The following TMEM132B variants were observed in gnomAD, a reference collection of about 807,000 sequenced individuals.
TMEM132B encodes the protein transmembrane protein 132B.
In TMEM132B, 18 loss-of-function variants were observed where a neutral mutation model predicts 90.8. The ratio of observed to expected loss-of-function variants is 0.20; its 90% CI spans 0.14 to 0.29. TMEM132B has a LOEUF of 0.29. Among genes scored for constraint, TMEM132B ranks in the 10% least tolerant of loss-of-function variants. The pLI is 1.00. For synonymous variants in TMEM132B, 504 were observed against 523.3 expected (o/e 0.96, Z 0.50); for missense variants, 1,096 against 1,326.8 (o/e 0.83, Z 2.70).
chr12:125,555,966 C>A (rs778383486), intron 4 of TMEM132B, among the ~76,000 whole-genome samples: 4 of 152,220 alleles, frequency 2.6e-5, no homozygotes, highest in Non-Finnish European at 5.9e-5. Context: ...AAAATAACAG[C>A]AACCTGCTGT....
At chr12:125,422,932 G>C (rs1396630783) in intron 3 of TMEM132B, among the ~76,000 whole-genome samples, 4 of 152,190 alleles carry the variant, frequency 2.6e-5, no homozygotes, top group Non-Finnish European at 5.9e-5. Flanking sequence ...ATTTATAACA[G>C]CAGCCCCAGG....
Position 125,458,210 on chromosome 12 carries a change from A to G in TMEM132B, c.1106+42533A>G, listed in dbSNP as rs530490189. On this transcript the variant is annotated intron_variant, in intron 3 of 8. Coordinates refer to ENST00000682704, the MANE Select transcript of TMEM132B (RefSeq NM_001366854.1). The surrounding 1 kb of genome is among the most constrained non-coding windows in gnomAD (Gnocchi z 4.9). ...AGTGGCGTCCCTGAGGCCAAAAACA[A>G]GGGCCTTGGACAAGGCCCTTGTCCA... 6.6e-6 allele frequency among the ~76,000 whole-genome samples: 1 copy of G among 151,858 alleles called. No homozygotes were observed. Among genetic ancestry groups the G allele is most frequent in the Admixed American group, 6.6e-5 (1 of 15,256 alleles).
intron 1 of TMEM132B, among the ~76,000 whole-genome samples, chr12:125,263,478 C>T (rs1055927323): frequency 6.6e-6 from 1 of 152,136 alleles, no homozygotes; most frequent in East Asian, 1.9e-4. Flanking sequence ...TGGCACTTGG[C>T]GAGGACGTTG....
At chr12:125,645,270 G>T (rs948427017) in intron 6 of TMEM132B, among the ~76,000 whole-genome samples, 2 of 149,816 alleles carry the variant, frequency 1.3e-5, no homozygotes, top group Admixed American at 6.7e-5. Context: ...CCCATCTCCT[G>T]CTTCTTCAAA....
At chr12:125,558,330 G>A (rs1338960735) in intron 4 of TMEM132B, among the ~76,000 whole-genome samples, 1 of 152,108 alleles carries the variant, frequency 6.6e-6, no homozygotes, top group African/African-American at 2.4e-5. Flanking sequence ...GAACTTACAG[G>A]TTTCTTAGGT....
At chr12:125,201,112 C>A (rs1873047926) in intron 1 of TMEM132B, among the ~76,000 whole-genome samples, 1 of 152,144 alleles carries the variant, frequency 6.6e-6, no homozygotes, top group African/African-American at 2.4e-5. Flanking sequence ...CCCCCATGCC[C>A]AGCCCAGTTA....
At chr12:125,235,655 GCT>G (rs1394305785) in intron 1 of TMEM132B, among the ~76,000 whole-genome samples, 1 of 151,938 alleles carries the variant, frequency 6.6e-6, no homozygotes, top group Non-Finnish European at 1.5e-5. Context: ...TCACTGATCC[GCT>G]CTCTGTCTTT....
intron 4 of TMEM132B, among the ~76,000 whole-genome samples, chr12:125,541,885 C>T (rs937965926): frequency 1.3e-5 from 2 of 151,772 alleles, no homozygotes; most frequent in South Asian, 2.1e-4. Context: ...ATTAGCCGGG[C>T]GTGGTGGCGG....
At chr12:125,616,935 C>T (rs1886002288) in intron 5 of TMEM132B, among the ~76,000 whole-genome samples, 1 of 152,196 alleles carries the variant, frequency 6.6e-6, no homozygotes, top group South Asian at 2.1e-4. Context: ...GAGAAAGCTG[C>T]TGTCTACAAG....
chr12:125,396,259 C>T (rs1879166460), intron 2 of TMEM132B, among the ~76,000 whole-genome samples: 3 of 152,300 alleles, frequency 2.0e-5, no homozygotes, highest in South Asian at 4.1e-4. Context: ...ATGATTCTCA[C>T]AGTAGTTTTT....
chr12:125,608,900 C>T (rs1885760414), intron 5 of TMEM132B, among the ~76,000 whole-genome samples: 1 of 152,056 alleles, frequency 6.6e-6, no homozygotes, highest in Admixed American at 6.5e-5. Flanking sequence ...TCTCATGCTG[C>T]TATGAAGAAA....
chr12:125,376,131 G>A (rs895847250), intron 2 of TMEM132B, among the ~76,000 whole-genome samples: 7 of 152,220 alleles, frequency 4.6e-5, no homozygotes, highest in African/African-American at 1.4e-4. Context: ...CTCCTTGTCT[G>A]ATGGCTTGTT....
intron 2 of TMEM132B, among the ~76,000 whole-genome samples, chr12:125,352,392 TG>T (rs1231608391): frequency 6.6e-6 from 1 of 152,242 alleles, no homozygotes; most frequent in Non-Finnish European, 1.5e-5. Context: ...TTCTATGTGC[TG>T]GGGGGACAAG....
chr12:125,194,806 AGGCAT>A (rs1872889921), intron 1 of TMEM132B, among the ~76,000 whole-genome samples: 1 of 151,786 alleles, frequency 6.6e-6, no homozygotes, highest in Non-Finnish European at 1.5e-5. Context: ...GGGAAGGGGG[AGGCAT>A]GGTGTAGATG....
chr12:125,337,496 T>C (rs1877007652), intron 1 of TMEM132B, among the ~76,000 whole-genome samples: 2 of 152,154 alleles, frequency 1.3e-5, no homozygotes, highest in South Asian at 2.1e-4. Context: ...TTTAATGTGA[T>C]ATGTGACACT....
intron 1 of TMEM132B, among the ~76,000 whole-genome samples, chr12:125,201,638 C>G (rs1197841772): frequency 6.6e-6 from 1 of 152,236 alleles, no homozygotes; most frequent in Admixed American, 6.5e-5. Flanking sequence ...CCACCACTGG[C>G]TAGCTCTGTG....
intron 3 of TMEM132B, among the ~76,000 whole-genome samples, chr12:125,508,301 G>T (rs1357279995): frequency 6.6e-6 from 1 of 152,072 alleles, no homozygotes; most frequent in African/African-American, 2.4e-5. Context: ...GTTCATCTTG[G>T]GCCTGATCTT....
intron 1 of TMEM132B, among the ~76,000 whole-genome samples, chr12:125,269,852 G>A (rs1262285823): frequency 6.6e-6 from 1 of 152,096 alleles, no homozygotes; most frequent in South Asian, 2.1e-4. Context: ...GTTCCTTCCA[G>A]CTCACCATCA....
intron 3 of TMEM132B, among the ~76,000 whole-genome samples, chr12:125,517,327 ATTTTTTTTTTTTTTTTTT>A (rs56147854): frequency 7.4e-4 from 21 of 28,486 alleles, no homozygotes; most frequent in African/African-American, 1.7e-3. Context: ...TGCCCTGCTG[ATTTTTTTTTTTTTTTTTT>A]TTTTTTTTTT....
Sources: gnomAD v4.1 joint callset for allele counts (sites outside exome capture counted in the v4.1 genomes callset) on GRCh38, gnomAD v4.1.1 for gene constraint, Gnocchi (gnomAD v3.1) non-coding constraint, MANE v1.5 for transcripts, NCBI Gene and HGNC (gene_info 2026-07-23, HGNC 2026-07-21) for gene names.